Variants in TM9SF3 observed in about 807,000 individuals in gnomAD.
TM9SF3 encodes transmembrane 9 superfamily member 3, also known as SM-11044-binding protein.
TM9SF3 carries 14 observed loss-of-function variants against 78.6 expected under a neutral mutation model. The observed-to-expected ratio is 0.18, with a 90% confidence interval of 0.12 to 0.28. The LOEUF (loss-of-function observed/expected upper bound fraction) is 0.28. Among genes scored for constraint, TM9SF3 ranks in the 10% least tolerant of loss-of-function variants. The pLI is 1.00. For synonymous variants in TM9SF3, 231 were observed against 241.7 expected (o/e 0.96, Z 0.41); for missense variants, 496 against 721.9 (o/e 0.69, Z 3.59).
In TM9SF3 at chr10:96,521,289, G is replaced by C. The variant is rs1469147158; in HGVS notation, c.*974C>G. 5.9e-6 allele frequency: 1 copy of C among 169,794 alleles called. No homozygotes were observed. The highest frequency in any genetic ancestry group is 6.4e-5 in the Admixed American group (1 of 15,708). The allele number at this position is 169,794 out of a possible 1,614,324, so 10.5% of individuals were successfully genotyped here. On this transcript the variant is annotated 3_prime_UTR_variant, in exon 15 of 15. Transcript: ENST00000371142. ...CTGTAGTCGATCTGTACATCCAAATGCATTTGGGAATCTACACCTACGTTA... is the reference window on the plus strand; with the variant it reads ...CTGTAGTCGATCTGTACATCCAAATCCATTTGGGAATCTACACCTACGTTA...
At chr10:96,572,367 T>C (rs1848445746) in intron 2 of TM9SF3, among the ~76,000 whole-genome samples, 1 of 151,660 alleles carries the variant, frequency 6.6e-6, no homozygotes, top group African/African-American at 2.4e-5. Context: ...GAGGCAAAGC[T>C]GGATGCATCA....
Position 96,586,800 on chromosome 10 carries a change from C to G in TM9SF3, c.36G>C (p.Ala12=), listed in dbSNP as rs1848637757. 1.6e-6 allele frequency: 2 copies of G among 1,276,766 alleles called. No individual in the cohort carries two copies. The highest frequency in any genetic ancestry group is 2.0e-6 in the Non-Finnish European group (2 of 1,009,944). The allele number at this position is 1,276,766 out of a possible 1,614,324, so 79.1% of individuals were successfully genotyped here. A position where few individuals can be genotyped will look rare whatever the true frequency, so the allele number is the denominator to read the frequency against. The change falls in exon 1 of 15, where the codon GCG becomes GCC. Residue 12 remains alanine, a synonymous_variant. Coordinates refer to ENST00000371142, the MANE Select transcript of TM9SF3 (RefSeq NM_020123.4). ...GCAGCAGCAGCCACAGCGCGGCGGC[C>G]GCCGCCACGCCAAGAGCGCCAGGCA... ...RPLPGALGVA[A]AAALWLLLLL... is the part of the protein sequence containing the mutation.
chr10:96,566,873 G>A (rs943277574), intron 2 of TM9SF3, among the ~76,000 whole-genome samples: 7 of 152,306 alleles, frequency 4.6e-5, no homozygotes, highest in East Asian at 1.9e-4. Context: ...CTGCAGCTAC[G>A]GAAGGGATAT....
Position 96,520,783 on chromosome 10 carries a change from T to G in TM9SF3, c.*1480A>C. The G allele has an allele frequency of 2.5e-6, 1 of 395,166 alleles. No individual in the cohort carries two copies. Among genetic ancestry groups the G allele is most frequent in the Non-Finnish European group, 4.5e-6 (1 of 223,362 alleles). The allele number at this position is 395,166 out of a possible 1,614,324, so 24.5% of individuals were successfully genotyped here. On this transcript the variant is annotated 3_prime_UTR_variant, in exon 15 of 15. Transcript: ENST00000371142. ...AACCTGAACAGATTTTGTGCCACAA[T>G]TTCATTCAAAGGGTTTGTCATTCAC...
At chr10:96,548,985 A>AT (rs1483180233) in intron 7 of TM9SF3, among the ~76,000 whole-genome samples, 1 of 152,100 alleles carries the variant, frequency 6.6e-6, no homozygotes, top group Non-Finnish European at 1.5e-5. Flanking sequence ...AGTCCTCCTT[A>AT]TTCATCTCTC....
At chr10:96,534,988 C>G (rs1379814094) in intron 9 of TM9SF3, among the ~76,000 whole-genome samples, 1 of 152,082 alleles carries the variant, frequency 6.6e-6, no homozygotes, top group African/African-American at 2.4e-5. Flanking sequence ...CCAATTAAGG[C>G]CTGCACATAT....
chr10:96,561,292 AC>A (rs1207469758), intron 4 of TM9SF3, among the ~76,000 whole-genome samples: 1 of 152,220 alleles, frequency 6.6e-6, no homozygotes, highest in African/African-American at 2.4e-5. Context: ...AGACTGCATT[AC>A]TTTTATTACA....
intron 3 of TM9SF3, 71 bp from the exon 4 acceptor site, chr10:96,562,209 T>C: frequency 1.9e-6 from 2 of 1,065,020 alleles, no homozygotes; most frequent in Non-Finnish European, 2.6e-6. Context: ...AGCTAAATGC[T>C]CATTAAGTTT....
chr10:96,530,055 G>A (rs559901494), intron 11 of TM9SF3, among the ~76,000 whole-genome samples: 23 of 152,280 alleles, frequency 1.5e-4, no homozygotes, highest in East Asian at 5.8e-4. Flanking sequence ...GGCACAAGGT[G>A]GCATACCTCT....
intron 14 of TM9SF3, among the ~76,000 whole-genome samples, chr10:96,526,579 T>C (rs560450713): frequency 6.6e-6 from 1 of 152,264 alleles, no homozygotes; most frequent in East Asian, 1.9e-4. Flanking sequence ...TAATAGATGA[T>C]TATGATAGAT....
chr10:96,523,744 G>C (rs1847807730), intron 14 of TM9SF3, among the ~76,000 whole-genome samples: 2 of 151,798 alleles, frequency 1.3e-5, no homozygotes, highest in Non-Finnish European at 2.9e-5. Flanking sequence ...CCAGAGTCTG[G>C]AAAATTCTAC....
At chr10:96,537,831 A>T (rs1323981447) in intron 9 of TM9SF3, among the ~76,000 whole-genome samples, 2 of 152,236 alleles carry the variant, frequency 1.3e-5, no homozygotes, top group Non-Finnish European at 1.5e-5. Flanking sequence ...GAATAAATTC[A>T]ACAGAAGATA....
chr10:96,586,852 GC>G lies in TM9SF3; in HGVS notation c.-18del. 5 of 1,203,436 alleles carry G rather than the reference GC, an allele frequency of 4.2e-6. No individual in the cohort carries two copies. Among genetic ancestry groups the G allele is most frequent in the Non-Finnish European group, 5.1e-6 (5 of 971,548 alleles). 74.5% of individuals were successfully genotyped at this position (1,203,436 alleles called of 1,614,324 possible). ...CGGCCTCATCCTCCGCGCCCCTCCG[GC>G]CCGGAGCCGGCTCACCGACTCCTCC... On this transcript the variant is annotated 5_prime_UTR_variant, in exon 1 of 15. Coordinates refer to ENST00000371142, the MANE Select transcript of TM9SF3 (RefSeq NM_020123.4).
At chr10:96,539,250 C>T (rs1847994795) in intron 9 of TM9SF3, among the ~76,000 whole-genome samples, 1 of 124,740 alleles carries the variant, frequency 8.0e-6, no homozygotes. Context: ...ATGGGTGGAT[C>T]ACCTGAGGTC....
At chr10:96,585,354 T>C (rs78817633) in intron 1 of TM9SF3, among the ~76,000 whole-genome samples, 6,995 of 152,282 alleles carry the variant, frequency 0.046, 316 homozygotes, top group African/African-American at 0.12. Flanking sequence ...CTGTATACTA[T>C]GTGAAACAAT....
intron 14 of TM9SF3, among the ~76,000 whole-genome samples, chr10:96,525,374 G>A (rs755628831): frequency 1.1e-4 from 17 of 152,016 alleles, no homozygotes; most frequent in Non-Finnish European, 1.6e-4. Flanking sequence ...AATAAAACAT[G>A]TGACTATAAC....
chr10:96,524,303 T>A (rs181653525), intron 14 of TM9SF3, among the ~76,000 whole-genome samples: 2 of 152,022 alleles, frequency 1.3e-5, no homozygotes, highest in Admixed American at 6.6e-5. Context: ...TAATGCATTT[T>A]AGAATAGTTA....
At chr10:96,551,972 T>C (rs1848176095) in intron 6 of TM9SF3, among the ~76,000 whole-genome samples, 2 of 152,208 alleles carry the variant, frequency 1.3e-5, no homozygotes, top group Admixed American at 6.6e-5. Flanking sequence ...AGTAAGCAAG[T>C]GCTCCTTAAA....
intron 5 of TM9SF3, among the ~76,000 whole-genome samples, chr10:96,554,481 A>C (rs1405964933): frequency 2.6e-5 from 4 of 152,024 alleles, no homozygotes; most frequent in Non-Finnish European, 5.9e-5. Flanking sequence ...GCCACATCTG[A>C]CCTTTCCTGA....
Sources: gnomAD v4.1 joint callset for allele counts (sites outside exome capture counted in the v4.1 genomes callset) on GRCh38, gnomAD v4.1.1 for gene constraint, MANE v1.5 for transcripts, NCBI Gene and HGNC (gene_info 2026-07-23, HGNC 2026-07-21) for gene names.